The following FBXO28 variants were observed in gnomAD, a reference collection of about 807,000 sequenced individuals.
The protein encoded by FBXO28 is F-box protein 28, also known as F-box only protein 28.
FBXO28 carries 8 observed loss-of-function variants against 38.1 expected under a neutral mutation model. The ratio of observed to expected loss-of-function variants is 0.21; its 90% CI spans 0.12 to 0.38. FBXO28 has a LOEUF of 0.38. Among genes scored for constraint, FBXO28 ranks in the 10% least tolerant of loss-of-function variants. The pLI is 1.00. For synonymous variants in FBXO28, 168 were observed against 173.8 expected (o/e 0.97, Z 0.26); for missense variants, 345 against 460.6 (o/e 0.75, Z 2.30).
intron 3 of FBXO28, among the ~76,000 whole-genome samples, chr1:224,135,501 A>G (rs1657152682): frequency 6.6e-6 from 1 of 150,758 alleles, no homozygotes; most frequent in Admixed American, 6.7e-5. Flanking sequence ...AATCCCAGAT[A>G]CTTGCAAGGC....
At chr1:224,114,428 TC>T in intron 1 of FBXO28, 32 bp downstream of exon 1, 4 of 1,469,092 alleles carry the variant, frequency 2.7e-6, no homozygotes, top group Non-Finnish European at 3.6e-6. Flanking sequence ...TGCCTCCCTC[TC>T]CCCCCGGCCG....
chr1:224,148,635 C>T (rs1012582782), intron 3 of FBXO28, among the ~76,000 whole-genome samples: 4 of 151,574 alleles, frequency 2.6e-5, no homozygotes, highest in Non-Finnish European at 5.9e-5. Context: ...GCACTCCAGC[C>T]TGGGCGACAG....
chr1:224,128,877 T>G (rs1483185072), intron 1 of FBXO28, among the ~76,000 whole-genome samples: 1 of 150,832 alleles, frequency 6.6e-6, no homozygotes, highest in Non-Finnish European at 1.5e-5. Flanking sequence ...TCTCAGCTAC[T>G]TGGGAGGCTG....
At position 224,139,673 on chromosome 1, in the gene FBXO28, G is replaced by A. The variant is rs546937170; in HGVS notation, c.516+5461G>A. On this transcript the variant is annotated intron_variant, in intron 3 of 4. Transcript: ENST00000366862. ...GGAGAATCACTTGAACCCAGGAGGC[G>A]GAGGCTGCAGTGAGCCGAGATTGCG... Among the ~76,000 whole-genome samples the A allele has an allele frequency of 4.6e-5, 7 of 152,166 alleles. No individual in the cohort carries two copies. The East Asian group carries it at 9.7e-4, about 21-fold the overall frequency.
At chr1:224,152,886 CCA>C (rs1204507332) in intron 3 of FBXO28, among the ~76,000 whole-genome samples, 3 of 142,542 alleles carry the variant, frequency 2.1e-5, no homozygotes, top group African/African-American at 8.0e-5. Context: ...TGAGATCGCA[CCA>C]CTGCACCCAG....
At chr1:224,121,669 T>G (rs1656782421) in intron 1 of FBXO28, among the ~76,000 whole-genome samples, 1 of 152,038 alleles carries the variant, frequency 6.6e-6, no homozygotes, top group East Asian at 1.9e-4. Flanking sequence ...AGAACTTTTT[T>G]TTTTTCTTTG....
chr1:224,149,664 T>C (rs2102632493), intron 3 of FBXO28, among the ~76,000 whole-genome samples: 1 of 152,126 alleles, frequency 6.6e-6, no homozygotes, highest in Non-Finnish European at 1.5e-5. Flanking sequence ...CAGTGAAACA[T>C]GGTATGATCT....
intron 1 of FBXO28, among the ~76,000 whole-genome samples, chr1:224,115,904 A>G (rs1219605593): frequency 6.6e-6 from 1 of 152,168 alleles, no homozygotes; most frequent in African/African-American, 2.4e-5. Flanking sequence ...TGATCATTTT[A>G]CTATTTTAAA....
At chr1:224,125,954 A>G (rs1237803900) in intron 1 of FBXO28, among the ~76,000 whole-genome samples, 1 of 152,164 alleles carries the variant, frequency 6.6e-6, no homozygotes, top group Non-Finnish European at 1.5e-5. Flanking sequence ...AAAGTTATTT[A>G]TCTGATTTCT....
intron 3 of FBXO28, among the ~76,000 whole-genome samples, chr1:224,135,928 G>A (rs1657172172): frequency 6.6e-6 from 1 of 151,798 alleles, no homozygotes; most frequent in African/African-American, 2.4e-5. Context: ...CCAGCTACTC[G>A]GGAGTCTCAG....
rs1024753758 is a variant in FBXO28, at chr1:224,134,838, T to G, written c.516+626T>G. On this transcript the variant is annotated intron_variant, in intron 3 of 4. Coordinates refer to ENST00000366862, the MANE Select transcript of FBXO28 (RefSeq NM_015176.4). ...GTAAATTGACATATGTCTGTATCTT[T>G]TTATATGGAAGTGGTAGAGATATAA... Among the ~76,000 whole-genome samples the G allele has an allele frequency of 7.2e-5, 11 of 152,334 alleles. No homozygotes were observed. In the South Asian group the frequency reaches 2.3e-3, roughly 32 times the overall value.
In FBXO28 at chr1:224,161,777, G is replaced by T. The variant is rs180990395; in HGVS notation, c.*4031G>T. 10 of 152,306 alleles carry T rather than the reference G, an allele frequency of 6.6e-5. No individual in the cohort carries two copies. The East Asian group carries it at 1.9e-3, about 29-fold the overall frequency. The allele number at this position is 152,306 out of a possible 1,614,324, so 9.4% of individuals were successfully genotyped here. A position where few individuals can be genotyped will look rare whatever the true frequency, so the allele number is the denominator to read the frequency against. On this transcript the variant is annotated 3_prime_UTR_variant, in exon 5 of 5. Transcript: ENST00000366862. ...CCAGATTTCTTCTGTTGTGTCTGAA[G>T]AGAACCATGACATTTAGAAGTATAT...
rs568627328 is a variant in FBXO28, at chr1:224,140,002, G to A, written c.516+5790G>A. Among the ~76,000 whole-genome samples the A allele has an allele frequency of 5.3e-5, 8 of 152,214 alleles. No homozygotes were observed. The South Asian group carries it at 1.7e-3, about 32-fold the overall frequency. On this transcript the variant is annotated intron_variant, in intron 3 of 4. Coordinates refer to ENST00000366862, the MANE Select transcript of FBXO28 (RefSeq NM_015176.4). ...GCTCCTTGGGCGGCTGAGGTGGGAC[G>A]ATTGCTTGAGCCTGGGCAGTCAAGG...
chr1:224,119,319 A>G (rs1461181828), intron 1 of FBXO28, among the ~76,000 whole-genome samples: 1 of 149,142 alleles, frequency 6.7e-6, no homozygotes, highest in Admixed American at 6.7e-5. Context: ...TTTTATTTTT[A>G]GTAGAGACGG....
chr1:224,123,881 A>G (rs571783356), intron 1 of FBXO28, among the ~76,000 whole-genome samples: 23 of 152,282 alleles, frequency 1.5e-4, no homozygotes, highest in African/African-American at 5.5e-4. Flanking sequence ...GACTGAGGCG[A>G]GTGGATCACC....
chr1:224,138,746 C>CT (rs1366638157), intron 3 of FBXO28, among the ~76,000 whole-genome samples: 6 of 150,540 alleles, frequency 4.0e-5, no homozygotes, highest in African/African-American at 7.4e-5. Flanking sequence ...TTTGTTTTTT[C>CT]TTTTTTTTTA....
At chr1:224,136,786 C>G (rs1382900057) in intron 3 of FBXO28, among the ~76,000 whole-genome samples, 1 of 151,190 alleles carries the variant, frequency 6.6e-6, no homozygotes, top group Non-Finnish European at 1.5e-5. Context: ...GGGTCTCGTT[C>G]TGTCGCCCAG....
chr1:224,118,469 T>C lies in FBXO28; in HGVS notation c.267+4073T>C, dbSNP rs142613670. The stretch of plus-strand genomic sequence containing the variant: ...CATATTAGTGGTTCAGAACATGAAT[T>C]TGACTAAAGGTTAAGTTGAGAATTC... On this transcript the variant is annotated intron_variant, in intron 1 of 4. Coordinates refer to ENST00000366862, the MANE Select transcript of FBXO28 (RefSeq NM_015176.4). 5.1e-3 allele frequency among the ~76,000 whole-genome samples: 782 copies of C among 152,310 alleles called. 3 individuals are homozygous for C. Among genetic ancestry groups the C allele is most frequent in the Middle Eastern group, 0.017 (5 of 294 alleles).
chr1:224,127,168 GTGTGTGTGTGTGTGTA>G (rs928870004), intron 1 of FBXO28, among the ~76,000 whole-genome samples: 25 of 44,504 alleles, frequency 5.6e-4, no homozygotes, highest in South Asian at 1.2e-3. Context: ...AAGTATTTGT[GTGTGTGTGTGTGTGTA>G]TGTGTGTGTG....
Sources: allele counts gnomAD v4.1 joint callset (sites outside exome capture counted in the v4.1 genomes callset), GRCh38; gene constraint gnomAD v4.1.1; transcripts MANE v1.5; gene names NCBI Gene and HGNC (gene_info 2026-07-23, HGNC 2026-07-21).